The following PTPRK variants were observed in gnomAD, a reference collection of about 807,000 sequenced individuals.
PTPRK encodes the protein receptor-type tyrosine-protein phosphatase kappa.
PTPRK carries 75 observed loss-of-function variants against 178.0 expected under a neutral mutation model. That is an observed-to-expected ratio of 0.42 (90% CI 0.35 to 0.51). The LOEUF is 0.51. PTPRK is among the 20% of genes least tolerant of loss of function. The pLI, the probability that PTPRK is intolerant of heterozygous loss-of-function variation, is 0.02. For synonymous variants in PTPRK, 637 were observed against 620.6 expected (o/e 1.03, Z -0.39); for missense variants, 1,441 against 1,797.8 (o/e 0.80, Z 3.59).
chr6:128,408,149 A>C (rs1841907948), intron 1 of PTPRK, among the ~76,000 whole-genome samples: 1 of 152,240 alleles, frequency 6.6e-6, no homozygotes, highest in Non-Finnish European at 1.5e-5. Flanking sequence ...GCACTTTGAG[A>C]GGCCAAGGCA....
Position 128,009,218 on chromosome 6 carries a change from C to T in PTPRK, c.2245G>A (p.Asp749Asn). The T allele has an allele frequency of 6.2e-7, 1 of 1,608,972 alleles. No individual in the cohort carries two copies. The change falls in exon 14 of 30, where the codon GAC becomes AAC. Residue 749 changes from aspartate (D) to asparagine (N), a missense_variant. Coordinates refer to ENST00000368226, the MANE Select transcript of PTPRK (RefSeq NM_002844.4). ...EVIPDPAKQT[D>N]RVVKIAGISA... ...ATTCCTGCTATTTTCACCACTCTGTCTGTCTGCTTGGCGGGATCTGGGATC... is the reference window on the plus strand; with the variant it reads ...ATTCCTGCTATTTTCACCACTCTGTTTGTCTGCTTGGCGGGATCTGGGATC...
At chr6:128,256,898 A>G (rs1262973920) in intron 3 of PTPRK, among the ~76,000 whole-genome samples, 1 of 152,178 alleles carries the variant, frequency 6.6e-6, no homozygotes, top group Non-Finnish European at 1.5e-5. Context: ...TGGCACAAGC[A>G]ATTTTGTAGA....
chr6:128,028,429 T>C (rs1014456143), intron 13 of PTPRK, among the ~76,000 whole-genome samples: 1 of 152,244 alleles, frequency 6.6e-6, no homozygotes, highest in African/African-American at 2.4e-5. Context: ...ATCTTGAGTC[T>C]TACAGCCCTT....
At chr6:128,090,074 A>G in intron 7 of PTPRK, 82 bp from the exon 8 acceptor site, 3 of 1,071,132 alleles carry the variant, frequency 2.8e-6, no homozygotes, top group Non-Finnish European at 4.1e-6. Flanking sequence ...AGTATAATAT[A>G]GCATATGCAA....
intron 6 of PTPRK, among the ~76,000 whole-genome samples, chr6:128,203,725 G>T (rs1196622474): frequency 6.6e-6 from 1 of 152,018 alleles, no homozygotes; most frequent in Non-Finnish European, 1.5e-5. Context: ...AAGGGAAGTG[G>T]AAGACCTCTT....
At chr6:128,409,549 C>A (rs2128377966) in intron 1 of PTPRK, among the ~76,000 whole-genome samples, 1 of 152,234 alleles carries the variant, frequency 6.6e-6, no homozygotes, top group African/African-American at 2.4e-5. Context: ...TTACTCATAG[C>A]CTGGCATTAG....
At chr6:128,090,126 T>C (rs1178723094) in intron 7 of PTPRK, 134 bp from the exon 8 acceptor site, 1 of 710,934 alleles carries the variant, frequency 1.4e-6, no homozygotes, top group Non-Finnish European at 2.3e-6. Context: ...TCCTTTGCTT[T>C]ATTTATTCAT....
At position 128,519,970 on chromosome 6, in the gene PTPRK, C is replaced by A. The variant is rs1198085855; in HGVS notation, c.100+289G>T. On this transcript the variant is annotated intron_variant, in intron 1 of 29. Transcript: ENST00000368226. This position sits in a 1 kb window ranked among gnomAD's most constrained non-coding sequence, Gnocchi z 4.3. ...AACTACTTTTTCTTTCTCTCTTCCC[C>A]ACTAGCCCGGCGCAGGCCACGCGAG... Among the ~76,000 whole-genome samples, 2 of 152,182 alleles carry A rather than the reference C, an allele frequency of 1.3e-5. No homozygotes were observed. Among genetic ancestry groups the A allele is most frequent in the African/African-American group, 4.8e-5 (2 of 41,442 alleles).
At chr6:128,233,664 G>T (rs922952249) in intron 5 of PTPRK, among the ~76,000 whole-genome samples, 1 of 152,156 alleles carries the variant, frequency 6.6e-6, no homozygotes, top group African/African-American at 2.4e-5. Context: ...AGGGCGAAGC[G>T]GTGGCTGACT....
At chr6:128,383,256 G>A (rs1383639018) in intron 2 of PTPRK, among the ~76,000 whole-genome samples, 1 of 151,978 alleles carries the variant, frequency 6.6e-6, no homozygotes, top group Admixed American at 6.6e-5. Flanking sequence ...GACGTAACAT[G>A]AAAAATATAA....
chr6:128,511,024 A>G (rs1312030490), intron 1 of PTPRK, among the ~76,000 whole-genome samples: 1 of 152,134 alleles, frequency 6.6e-6, no homozygotes, highest in Non-Finnish European at 1.5e-5. Flanking sequence ...TTTAACACCA[A>G]ATTCTACAAA....
chr6:128,139,741 C>A (rs2114503503), intron 7 of PTPRK, among the ~76,000 whole-genome samples: 1 of 152,124 alleles, frequency 6.6e-6, no homozygotes, highest in East Asian at 1.9e-4. Context: ...CATCCAGGAG[C>A]TCTGAGTAAA....
chr6:128,173,048 A>C (rs1800535141), intron 7 of PTPRK, among the ~76,000 whole-genome samples: 1 of 151,988 alleles, frequency 6.6e-6, no homozygotes, highest in Non-Finnish European at 1.5e-5. Flanking sequence ...AAATATGCTC[A>C]ACACACATTA....
intron 1 of PTPRK, among the ~76,000 whole-genome samples, chr6:128,431,741 C>T (rs185762026): frequency 1.9e-4 from 29 of 152,266 alleles, no homozygotes; most frequent in Admixed American, 1.2e-3. Flanking sequence ...GCGCATCCAA[C>T]GCAATAAAAG....
chr6:128,397,859 TC>T (rs1192864194), intron 1 of PTPRK, among the ~76,000 whole-genome samples, 171 bp from the exon 2 acceptor site: 1 of 152,202 alleles, frequency 6.6e-6, no homozygotes, highest in African/African-American at 2.4e-5. Context: ...AAAATAAATG[TC>T]TATCAGTACT....
chr6:128,431,216 G>T (rs1844800105), intron 1 of PTPRK, among the ~76,000 whole-genome samples: 1 of 151,978 alleles, frequency 6.6e-6, no homozygotes, highest in Non-Finnish European at 1.5e-5. Flanking sequence ...GGAATTACAA[G>T]CATGAGCCAT....
intron 13 of PTPRK, among the ~76,000 whole-genome samples, chr6:128,019,211 T>C (rs551794539): frequency 6.6e-6 from 1 of 152,314 alleles, no homozygotes; most frequent in South Asian, 2.1e-4. Context: ...ATAGTTCTAG[T>C]ATTAACTTCT....
chr6:128,510,253 C>G (rs1856974508), intron 1 of PTPRK, among the ~76,000 whole-genome samples: 1 of 152,188 alleles, frequency 6.6e-6, no homozygotes, highest in South Asian at 2.1e-4. Flanking sequence ...CTGGCCTCAA[C>G]TGGCACAGCC....
At chr6:128,088,646 TTA>T (rs1242568778) in intron 8 of PTPRK, among the ~76,000 whole-genome samples, 2 of 152,168 alleles carry the variant, frequency 1.3e-5, no homozygotes, top group African/African-American at 4.8e-5. Flanking sequence ...GCAGATATTT[TTA>T]TATGTTTTTG....
Sources: allele counts gnomAD v4.1 joint callset (sites outside exome capture counted in the v4.1 genomes callset), GRCh38; gene constraint gnomAD v4.1.1; non-coding constraint Gnocchi (gnomAD v3.1); transcripts MANE v1.5; gene names NCBI Gene and HGNC (gene_info 2026-07-23, HGNC 2026-07-21).